PDE6B: variants seen among roughly 807,000 people sequenced by gnomAD.
PDE6B encodes rod cGMP-specific 3',5'-cyclic phosphodiesterase subunit beta.
PDE6B carries 106 observed loss-of-function variants against 109.0 expected under a neutral mutation model. The ratio of observed to expected loss-of-function variants is 0.97; its 90% CI spans 0.83 to 1.14. The LOEUF (loss-of-function observed/expected upper bound fraction) is 1.14, where lower values mean the gene tolerates loss of function less well. PDE6B is among the 50% of genes most tolerant of loss of function. The pLI, the probability that PDE6B is intolerant of heterozygous loss-of-function variation, is 0.00. For missense variants in PDE6B, 1,193 were observed against 1,155.6 expected, an observed-to-expected ratio of 1.03 and a Z score of -0.47; for synonymous variants, 490 against 471.3, an observed-to-expected ratio of 1.04 and a Z score of -0.51.
At chr4:660,243 G>T (rs780800703) in intron 11 of PDE6B, among the ~76,000 whole-genome samples, 3 of 152,216 alleles carry the variant, frequency 2.0e-5, no homozygotes, top group African/African-American at 7.2e-5. Flanking sequence ...AACTGGGCAA[G>T]TTCTTCACTG....
At chr4:627,865 C>T (rs1396049488) in intron 1 of PDE6B, among the ~76,000 whole-genome samples, 6 of 152,088 alleles carry the variant, frequency 3.9e-5, no homozygotes, top group African/African-American at 4.8e-5. Flanking sequence ...TGTCCCCACC[C>T]GGCTGATGGT....
chr4:627,619 A>T (rs1272499544), intron 1 of PDE6B, among the ~76,000 whole-genome samples: 1 of 152,044 alleles, frequency 6.6e-6, no homozygotes, highest in Non-Finnish European at 1.5e-5. Flanking sequence ...ACTTCACAGC[A>T]GTGGGGCCTG....
rs1409809202 is a variant in PDE6B, at chr4:661,469, T to C, written c.1615-665T>C. 2.0e-5 allele frequency: 3 copies of C among 152,424 alleles called. No individual in the cohort carries two copies. In the East Asian group the frequency reaches 5.9e-4, roughly 30 times the overall value. 9.4% of individuals were successfully genotyped at this position (152,424 alleles called of 1,614,324 possible). On this transcript the variant is annotated intron_variant, in intron 12 of 21. Coordinates refer to ENST00000496514, the MANE Select transcript of PDE6B (RefSeq NM_000283.4). ...CTCCTGCCCTGCCCTGCTTCCAACA[T>C]CTCAAGGGGCTTCCCACAGCCCTAG... is the stretch of plus-strand genomic sequence containing the variant.
At chr4:646,672 GC>G (rs1735218649) in intron 3 of PDE6B, among the ~76,000 whole-genome samples, 1 of 151,906 alleles carries the variant, frequency 6.6e-6, no homozygotes, top group Non-Finnish European at 1.5e-5. Flanking sequence ...CGCGCTCCCG[GC>G]CCCCTTCCTC....
At chr4:654,335 G>T (rs1258520320) in intron 5 of PDE6B, 181 bp downstream of exon 5, 2 of 706,752 alleles carry the variant, frequency 2.8e-6, no homozygotes, top group African/African-American at 3.5e-5. Context: ...TCCAGGGATG[G>T]GGTGTCCAGG....
intron 5 of PDE6B, chr4:654,433 C>T (rs1735948570): frequency 3.2e-6 from 2 of 619,288 alleles, no homozygotes; most frequent in South Asian, 1.8e-5. Flanking sequence ...CATCTCCCCA[C>T]GTGGGACCTC....
rs898144119 is a variant in PDE6B at position 654,889 on chromosome 4, G to C, written c.992+1G>C. 6.7e-7 allele frequency: 1 copy of C among 1,501,352 alleles called. No individual in the cohort carries two copies. The highest frequency in any genetic ancestry group is 9.3e-7 in the Non-Finnish European group (1 of 1,077,122). The allele number at this position is 1,501,352 out of a possible 1,614,324, so 93.0% of individuals were successfully genotyped here. A position where few individuals can be genotyped will look rare whatever the true frequency, so the allele number is the denominator to read the frequency against. ...GCAAGGAGGAGATCAAGGTCATTCC[G>C]TAAGTGCAGGATTTTACCAGAAGCG... is the stretch of plus-strand genomic sequence containing the variant. On this transcript the variant is annotated splice_donor_variant, in intron 6 of 21. Transcript: ENST00000496514. LOFTEE classifies it high-confidence loss of function.
At chr4:627,098 C>T (rs1247708104) in intron 1 of PDE6B, among the ~76,000 whole-genome samples, 1 of 152,048 alleles carries the variant, frequency 6.6e-6, no homozygotes, top group African/African-American at 2.4e-5. Flanking sequence ...GGTGTGGTCC[C>T]TCCTTCCCAG....
Position 665,412 on chromosome 4 carries a change from T to A in PDE6B, c.2268+83T>A, listed in dbSNP as rs1281616099. 4.2e-6 allele frequency: 4 copies of A among 958,860 alleles called. No individual in the cohort carries two copies. The African/African-American group carries it at 6.4e-5, about 15-fold the overall frequency. 59.4% of individuals were successfully genotyped at this position (958,860 alleles called of 1,614,324 possible). ...GTCCTCAGGAGCCTCAGGTCCTGGC[T>A]TGGTCTCAGGCAGGGGGTTCTGAGG... On this transcript the variant is annotated intron_variant, in intron 19 of 21. Transcript: ENST00000496514. This position sits in a 1 kb window ranked among gnomAD's most constrained non-coding sequence, Gnocchi z 4.0.
At chr4:645,889 T>C (rs1200467354) in intron 3 of PDE6B, among the ~76,000 whole-genome samples, 1 of 152,092 alleles carries the variant, frequency 6.6e-6, no homozygotes, top group Non-Finnish European at 1.5e-5. Context: ...TGTGGCTATC[T>C]TACCACAATG....
chr4:628,057 TC>T (rs1430193248), intron 1 of PDE6B, among the ~76,000 whole-genome samples: 3 of 152,132 alleles, frequency 2.0e-5, no homozygotes, highest in African/African-American at 7.2e-5. Flanking sequence ...CTGGTGCCAT[TC>T]CAAGGGGCTG....
intron 17 of PDE6B, 50 bp from the exon 18 acceptor site, chr4:664,831 C>G (rs188951901): frequency 1.4e-6 from 2 of 1,427,482 alleles, no homozygotes; most frequent in African/African-American, 2.8e-5. Context: ...TATAAACCAC[C>G]TGCCCTCAGG....
intron 12 of PDE6B, chr4:661,215 T>C (rs1443204025): frequency 6.5e-6 from 1 of 152,732 alleles, no homozygotes; most frequent in African/African-American, 2.4e-5. Flanking sequence ...TGGATAGATT[T>C]AAAGTTTTAT....
intron 3 of PDE6B, among the ~76,000 whole-genome samples, chr4:645,083 A>G (rs1374205840): frequency 1.3e-5 from 2 of 152,058 alleles, no homozygotes; most frequent in Non-Finnish European, 2.9e-5. Flanking sequence ...TCCTTGTTCT[A>G]AAGTACTCTT....
intron 11 of PDE6B, among the ~76,000 whole-genome samples, chr4:659,552 T>A (rs544161015): frequency 1.3e-5 from 2 of 151,474 alleles, no homozygotes; most frequent in Admixed American, 1.3e-4. Flanking sequence ...TGCACAGGTG[T>A]GTACATGTGT....
chr4:659,568 T>G (rs898753969), intron 11 of PDE6B, among the ~76,000 whole-genome samples: 1 of 151,392 alleles, frequency 6.6e-6, no homozygotes, highest in African/African-American at 2.4e-5. Flanking sequence ...TGTGTGCACA[T>G]GTGGGTGTGT....
chr4:653,858 C>T lies in PDE6B; in HGVS notation c.718C>T (p.Leu240=). 1 of 1,613,640 alleles carries T rather than the reference C, an allele frequency of 6.2e-7. No homozygotes were observed. The highest frequency in any genetic ancestry group is 1.1e-5 in the South Asian group (1 of 91,086). Residue 240 remains leucine, a synonymous_variant, in exon 4 of 22, where the codon CTG becomes TTG. Transcript: ENST00000496514. ...NCETRRGQVL[L]WSANKVFEEL... ...GGTGTGCCCCTCCCTCCAGGTGCTG[C>T]TGTGGTCGGCCAACAAGGTGTTTGA... is the stretch of plus-strand genomic sequence containing the variant.
At chr4:647,910 T>TA (rs1032987682) in intron 3 of PDE6B, among the ~76,000 whole-genome samples, 8 of 151,486 alleles carry the variant, frequency 5.3e-5, no homozygotes, top group African/African-American at 1.9e-4. Flanking sequence ...CCATCTCTAG[T>TA]AAAAAATACA....
intron 1 of PDE6B, 87 bp from the exon 2 acceptor site, chr4:634,590 C>A: frequency 9.0e-7 from 1 of 1,112,862 alleles, no homozygotes; most frequent in South Asian, 1.2e-5. Context: ...GCAGCAGCCC[C>A]CACAGAGCTT....
Sources: gnomAD v4.1 joint callset for allele counts (sites outside exome capture counted in the v4.1 genomes callset) on GRCh38, gnomAD v4.1.1 for gene constraint, Gnocchi (gnomAD v3.1) non-coding constraint, MANE v1.5 for transcripts, NCBI Gene and HGNC (gene_info 2026-07-23, HGNC 2026-07-21) for gene names.